The following SHROOM3 variants were observed in gnomAD, a reference collection of about 807,000 sequenced individuals.
SHROOM3 encodes shroom family member 3, also known as protein Shroom3.
SHROOM3 carries 47 observed loss-of-function variants against 138.6 expected under a neutral mutation model. The observed-to-expected ratio is 0.34, with a 90% CI of 0.27 to 0.43. The LOEUF is 0.43. Among genes scored for constraint, SHROOM3 ranks in the 20% least tolerant of loss-of-function variants. The probability of loss-of-function intolerance (pLI) is 1.00; values close to 1 mark genes in which losing one functional copy is unlikely to be tolerated. For missense variants in SHROOM3, 2,491 were observed against 2,596.5 expected, an observed-to-expected ratio of 0.96 and a Z score of 0.88; for synonymous variants, 1,062 against 1,063.3, an observed-to-expected ratio of 1.00 and a Z score of 0.02.
chr4:76,539,188 T>G (rs1325226997), intron 1 of SHROOM3, among the ~76,000 whole-genome samples: 1 of 152,200 alleles, frequency 6.6e-6, no homozygotes, highest in African/African-American at 2.4e-5. Flanking sequence ...AACATGTGTG[T>G]GTCAAACTCC....
chr4:76,702,970 G>A (rs1375723390), intron 2 of SHROOM3, among the ~76,000 whole-genome samples: 1 of 152,134 alleles, frequency 6.6e-6, no homozygotes, highest in Non-Finnish European at 1.5e-5. Flanking sequence ...TTAAGCTTAC[G>A]GTTTCAGAAA....
intron 1 of SHROOM3, among the ~76,000 whole-genome samples, chr4:76,460,827 C>CAAAAAAAAAAAAAAAAAAAAAAAAAAAAA (rs58793404): frequency 1.3e-5 from 1 of 78,770 alleles, no homozygotes; most frequent in African/African-American, 4.3e-5. Context: ...CCCGTATCTA[C>CAAAAAAAAAAAAAAAAAAAAAAAAAAAAA]AAAAAAAAAA....
chr4:76,678,442 A>C (rs2110101885), intron 2 of SHROOM3, among the ~76,000 whole-genome samples: 1 of 152,240 alleles, frequency 6.6e-6, no homozygotes, highest in East Asian at 1.9e-4. Flanking sequence ...TATCTCTTGA[A>C]GTTTATTTTT....
At chr4:76,648,616 C>T (rs141207420) in intron 2 of SHROOM3, among the ~76,000 whole-genome samples, 41 of 152,266 alleles carry the variant, frequency 2.7e-4, no homozygotes, top group African/African-American at 9.6e-4. Flanking sequence ...CTACTTCCCT[C>T]CTCCACTGAG....
intron 3 of SHROOM3, among the ~76,000 whole-genome samples, chr4:76,712,045 C>T (rs1720245605): frequency 6.6e-6 from 1 of 152,084 alleles, no homozygotes; most frequent in Non-Finnish European, 1.5e-5. Flanking sequence ...CTGCTAGGAT[C>T]TTTAAAATAT....
At chr4:76,553,488 C>T (rs1333525766) in intron 1 of SHROOM3, among the ~76,000 whole-genome samples, 1 of 151,972 alleles carries the variant, frequency 6.6e-6, no homozygotes, top group South Asian at 2.1e-4. Flanking sequence ...GTTGGCCAGG[C>T]TGGTCTCGAA....
chr4:76,480,021 A>C (rs1265527153), intron 1 of SHROOM3, among the ~76,000 whole-genome samples: 1 of 152,226 alleles, frequency 6.6e-6, no homozygotes. Context: ...CACTGCAAAA[A>C]CATACCAAAT....
chr4:76,754,730 C>T lies in SHROOM3; in HGVS notation c.4247C>T (p.Thr1416Met), dbSNP rs745954438. 5.5e-5 allele frequency: 89 copies of T among 1,614,044 alleles called. No individual in the cohort carries two copies. The East Asian group carries it at 8.0e-4, about 15-fold the overall frequency. The part of the protein sequence containing the change: ...DGPEHGVEEG[T>M]RKRVSLPQWP... ...CCAGAGCATGGGGTAGAAGAGGGAA[C>T]GAGGAAGAGGGTCTCGCTGCCTCAG... is the stretch of plus-strand genomic sequence containing the variant. Residue 1416 changes from threonine to methionine, a missense_variant, in exon 7 of 11, where the codon ACG (threonine) becomes ATG (methionine). Coordinates refer to ENST00000296043, the MANE Select transcript of SHROOM3 (RefSeq NM_020859.4).
At chr4:76,600,444 T>C (rs538577884) in intron 2 of SHROOM3, among the ~76,000 whole-genome samples, 1 of 152,336 alleles carries the variant, frequency 6.6e-6, no homozygotes, top group East Asian at 1.9e-4. Flanking sequence ...ACTGTGGTAC[T>C]TTCAGCTTTC....
At chr4:76,486,833 A>T (rs946925989) in intron 1 of SHROOM3, among the ~76,000 whole-genome samples, 2 of 152,164 alleles carry the variant, frequency 1.3e-5, no homozygotes, top group Middle Eastern at 3.4e-3. Context: ...TATCTTGCAT[A>T]TTTCATTATT....
At chr4:76,608,535 C>CGATT (rs1734671484) in intron 2 of SHROOM3, among the ~76,000 whole-genome samples, 1 of 19,970 alleles carries the variant, frequency 5.0e-5, no homozygotes, top group East Asian at 1.0e-3. Context: ...GATGGCATAG[C>CGATT]ATAGCATAGC....
At chr4:76,541,625 GCA>G (rs149127524) in intron 1 of SHROOM3, among the ~76,000 whole-genome samples, 100 of 148,326 alleles carry the variant, frequency 6.7e-4, no homozygotes, top group Middle Eastern at 3.4e-3. Context: ...ATATGTGGGC[GCA>G]CACACACACA....
In SHROOM3 at chr4:76,590,010, G is replaced by A. The variant is rs78260996; in HGVS notation, c.323+34247G>A. 7.0e-3 allele frequency among the ~76,000 whole-genome samples: 1,064 copies of A among 152,164 alleles called. 8 individuals are homozygous for A. The highest frequency in any genetic ancestry group is 0.044 in the Middle Eastern group (13 of 294). On this transcript the variant is annotated intron_variant, in intron 2 of 10. Coordinates refer to ENST00000296043, the MANE Select transcript of SHROOM3 (RefSeq NM_020859.4). ...ACCATGCGGTTCTCCTTCCCTTTTTGTCTTTCTGTCAAAACGGAAATCAGG... is the reference window on the plus strand; with the variant it reads ...ACCATGCGGTTCTCCTTCCCTTTTTATCTTTCTGTCAAAACGGAAATCAGG...
rs1286554769 is a variant in SHROOM3 at position 76,754,357 on chromosome 4, T to C, written c.3874T>C (p.Phe1292Leu). 17 of 1,614,198 alleles carry C rather than the reference T, an allele frequency of 1.1e-5. No homozygotes were observed. Among genetic ancestry groups the C allele is most frequent in the Non-Finnish European group, 1.4e-5 (16 of 1,180,036 alleles). Residue 1292 changes from phenylalanine to leucine, a missense_variant, in exon 7 of 11, where the codon TTC becomes CTC. Physicochemically the swap from Phe to Leu is conservative, Grantham distance 22 (BLOSUM62 0). Coordinates refer to ENST00000296043, the MANE Select transcript of SHROOM3 (RefSeq NM_020859.4). ...AGGCCAAGAAGAGATGCTGCCGCTC[T>C]TCCACCATCTCACCCCTCGTTGGGG... ...ERGQEEMLPL[F>L]HHLTPRWGGS...
intron 9 of SHROOM3, among the ~76,000 whole-genome samples, chr4:76,768,807 C>T (rs1290497511): frequency 1.3e-5 from 2 of 152,188 alleles, no homozygotes; most frequent in African/African-American, 4.8e-5. Context: ...AGCCACTGCG[C>T]CCAGCCTGGA....
chr4:76,640,204 T>C (rs921582334), intron 2 of SHROOM3, among the ~76,000 whole-genome samples: 4 of 152,138 alleles, frequency 2.6e-5, no homozygotes, highest in Non-Finnish European at 5.9e-5. Flanking sequence ...ATTGGTGTCT[T>C]TGTGTGTGTG....
intron 1 of SHROOM3, among the ~76,000 whole-genome samples, chr4:76,532,949 C>T (rs1399117502): frequency 8.5e-6 from 1 of 118,184 alleles, no homozygotes; most frequent in Non-Finnish European, 1.8e-5. Context: ...AATCCGATAA[C>T]TGTGACAGCT....
intron 2 of SHROOM3, among the ~76,000 whole-genome samples, chr4:76,621,311 G>A (rs78685292): frequency 0.023 from 3,469 of 152,252 alleles, 63 homozygotes; most frequent in Non-Finnish European, 0.036. Flanking sequence ...GAGTCACCTG[G>A]TACATTAGCC....
Position 76,755,015 on chromosome 4 carries a change from G to C in SHROOM3, c.4532G>C (p.Arg1511Thr). The C allele has an allele frequency of 6.2e-7, 1 of 1,610,560 alleles. No homozygotes were observed. Among genetic ancestry groups the C allele is most frequent in the Non-Finnish European group, 8.5e-7 (1 of 1,177,344 alleles). The stretch of plus-strand genomic sequence containing the variant: ...GATTATGAAGACGAAGTGTTTGTGA[G>C]GGATCCGCACCCCAAGGCCACGTCC... ...HEDYEDEVFVRDPHPKATSSP... is the reference protein window; with the variant it reads ...HEDYEDEVFVTDPHPKATSSP... The change falls in exon 7 of 11, where the codon AGG becomes ACG. Residue 1511 changes from arginine to threonine, a missense_variant. Transcript: ENST00000296043.
Sources: allele counts gnomAD v4.1 joint callset (sites outside exome capture counted in the v4.1 genomes callset), GRCh38; gene constraint gnomAD v4.1.1; transcripts MANE v1.5; gene names NCBI Gene and HGNC (gene_info 2026-07-23, HGNC 2026-07-21).